The following CRTAC1 variants were observed in gnomAD, a reference collection of about 807,000 sequenced individuals.
CRTAC1 encodes acidic secreted protein in cartilage.
A neutral mutation model predicts 67.8 loss-of-function variants in CRTAC1; 37 were observed. The ratio of observed to expected loss-of-function variants is 0.55; its 90% CI spans 0.42 to 0.72. The LOEUF (loss-of-function observed/expected upper bound fraction) is 0.72. CRTAC1 is among the 30% of genes least tolerant of loss of function. The pLI is 0.00. For missense variants in CRTAC1, 780 were observed against 931.6 expected (o/e 0.84, Z 2.12); for synonymous variants, 348 against 371.0 (o/e 0.94, Z 0.71).
At chr10:98,017,393 A>G (rs1843021011) in intron 1 of CRTAC1, among the ~76,000 whole-genome samples, 1 of 152,200 alleles carries the variant, frequency 6.6e-6, no homozygotes, top group Non-Finnish European at 1.5e-5. Flanking sequence ...GCACAGGGCC[A>G]GAGCGCAGGG....
At chr10:97,984,901 C>G (rs895749325) in intron 2 of CRTAC1, among the ~76,000 whole-genome samples, 1 of 152,224 alleles carries the variant, frequency 6.6e-6, no homozygotes, top group Non-Finnish European at 1.5e-5. Flanking sequence ...GGAGCCAGAA[C>G]CTTCTGACAG....
At chr10:97,965,625 T>A (rs2136646849) in intron 2 of CRTAC1, among the ~76,000 whole-genome samples, 1 of 152,278 alleles carries the variant, frequency 6.6e-6, no homozygotes, top group South Asian at 2.1e-4. Context: ...TTTTTTTTTT[T>A]AAACTGGATA....
At chr10:97,897,741 T>C (rs1359843654) in intron 8 of CRTAC1, among the ~76,000 whole-genome samples, 1 of 152,252 alleles carries the variant, frequency 6.6e-6, no homozygotes, top group Non-Finnish European at 1.5e-5. Context: ...ACTCAGCTGA[T>C]GATGGCAGTG....
At chr10:97,909,254 C>T (rs2050656122) in intron 5 of CRTAC1, among the ~76,000 whole-genome samples, 1 of 152,112 alleles carries the variant, frequency 6.6e-6, no homozygotes, top group African/African-American at 2.4e-5. Flanking sequence ...CAGGCCCCAC[C>T]TCCAGCTCCC....
At chr10:97,999,785 C>A (rs1842652740) in intron 2 of CRTAC1, among the ~76,000 whole-genome samples, 1 of 152,200 alleles carries the variant, frequency 6.6e-6, no homozygotes, top group Non-Finnish European at 1.5e-5. Context: ...CTCTCTGAGG[C>A]CCATAAAAGC....
chr10:97,979,337 G>A (rs1227116888), intron 2 of CRTAC1, among the ~76,000 whole-genome samples: 1 of 152,152 alleles, frequency 6.6e-6, no homozygotes, highest in African/African-American at 2.4e-5. Context: ...CAAACCCTCT[G>A]TGTGATTCCG....
In CRTAC1 at chr10:98,029,927, C is replaced by A. The variant is rs368179216; in HGVS notation, c.24+522G>T. 2.6e-5 allele frequency among the ~76,000 whole-genome samples: 4 copies of A among 152,084 alleles called. No homozygotes were observed. The highest frequency in any genetic ancestry group is 9.7e-5 in the African/African-American group (4 of 41,428). The stretch of plus-strand genomic sequence containing the variant: ...GCTCCCGGAGCTCTCTGCCACCCAG[C>A]GCTGTGCCCGGGAACTCGGCTTCCC... On this transcript the variant is annotated intron_variant, in intron 1 of 14. Transcript: ENST00000370597. This position sits in a 1 kb window ranked among gnomAD's most constrained non-coding sequence, Gnocchi z 4.7.
In CRTAC1 at chr10:98,030,383, G is replaced by C. The variant is rs886536157; in HGVS notation, c.24+66C>G. 1.2e-5 allele frequency: 12 copies of C among 1,033,706 alleles called. No homozygotes were observed. The highest frequency in any genetic ancestry group is 1.5e-5 in the Non-Finnish European group (12 of 792,798). 64.0% of individuals were successfully genotyped at this position (1,033,706 alleles called of 1,614,324 possible). A position where few individuals can be genotyped will look rare whatever the true frequency, so the allele number is the denominator to read the frequency against. On this transcript the variant is annotated intron_variant, in intron 1 of 14. Coordinates refer to ENST00000370597, the MANE Select transcript of CRTAC1 (RefSeq NM_018058.7). This position sits in a 1 kb window ranked among gnomAD's most constrained non-coding sequence, Gnocchi z 4.2. Reference sequence around the variant, plus strand: ...CCGCCACCCTTGCGGGCGGATCCGGGGGGGCGCGCAGAGCTGGAGAAACTT... The same window carrying C: ...CCGCCACCCTTGCGGGCGGATCCGGCGGGGCGCGCAGAGCTGGAGAAACTT...
intron 2 of CRTAC1, among the ~76,000 whole-genome samples, chr10:97,964,185 G>A (rs893989205): frequency 7.2e-5 from 11 of 152,290 alleles, no homozygotes; most frequent in East Asian, 1.9e-4. Flanking sequence ...AGTGCATTAC[G>A]CTGGGTGGCT....
chr10:98,012,119 A>G (rs1842921710), intron 1 of CRTAC1, among the ~76,000 whole-genome samples: 1 of 152,226 alleles, frequency 6.6e-6, no homozygotes, highest in Admixed American at 6.5e-5. Context: ...CGGATAGCAC[A>G]TCATTCACTT....
At chr10:98,027,180 A>AG (rs986982763) in intron 1 of CRTAC1, among the ~76,000 whole-genome samples, 7 of 151,608 alleles carry the variant, frequency 4.6e-5, no homozygotes, top group Non-Finnish European at 8.8e-5. Context: ...AAAAAAAAAA[A>AG]GAGAACAAAG....
chr10:98,025,515 C>A (rs1244089057), intron 1 of CRTAC1, among the ~76,000 whole-genome samples: 2 of 152,214 alleles, frequency 1.3e-5, no homozygotes, highest in African/African-American at 4.8e-5. Context: ...CCCTTTCACA[C>A]CTTTCTGCAC....
At chr10:97,944,001 T>C (rs534674) in intron 2 of CRTAC1, among the ~76,000 whole-genome samples, 151,445 of 152,354 alleles carry the variant, frequency 0.99, 75,284 homozygotes, top group East Asian at 1. Context: ...AATTTGGGCT[T>C]AGTACTTGGG....
At chr10:97,925,285 G>A (rs1425707963) in intron 3 of CRTAC1, among the ~76,000 whole-genome samples, 1 of 152,096 alleles carries the variant, frequency 6.6e-6, no homozygotes, top group South Asian at 2.1e-4. Context: ...AAAGAAAAGG[G>A]TATGAGTATG....
At chr10:98,018,906 C>A (rs998716498) in intron 1 of CRTAC1, among the ~76,000 whole-genome samples, 6 of 152,208 alleles carry the variant, frequency 3.9e-5, no homozygotes, top group African/African-American at 1.4e-4. Flanking sequence ...GAAGAGCTAA[C>A]AGGAGCTGCC....
intron 2 of CRTAC1, among the ~76,000 whole-genome samples, chr10:97,954,022 G>A (rs1243497989): frequency 2.0e-5 from 3 of 152,140 alleles, no homozygotes; most frequent in Non-Finnish European, 2.9e-5. Flanking sequence ...GGTGGCTGTC[G>A]AGACGTCTCT....
At chr10:97,951,618 C>G (rs778401505) in intron 2 of CRTAC1, among the ~76,000 whole-genome samples, 7 of 152,176 alleles carry the variant, frequency 4.6e-5, no homozygotes, top group Non-Finnish European at 8.8e-5. Flanking sequence ...GCATTTATTT[C>G]TTTGAAGTGC....
rs10683960 is a variant in CRTAC1, at chr10:98,005,100, A to ATTTTTT, written c.224+6032_224+6037dup. Among the ~76,000 whole-genome samples the ATTTTTT allele has an allele frequency of 5.5e-4, 27 of 48,884 alleles. 2 individuals are homozygous for ATTTTTT. Among genetic ancestry groups the ATTTTTT allele is most frequent in the African/African-American group, 1.5e-3 (13 of 8,688 alleles). The allele number at this position is 48,884 out of a possible 152,430, so 32.1% of individuals were successfully genotyped here. On this transcript the variant is annotated intron_variant, in intron 2 of 14. Transcript: ENST00000370597. Reference sequence around the variant, plus strand: ...GTAATACATATATATATATATATATATTTTTTTTTTTTTTTTTTTTTGAGA... The same window carrying ATTTTTT: ...GTAATACATATATATATATATATATATTTTTTTTTTTTTTTTTTTTTTTTTTTGAGA...
chr10:98,006,115 A>G (rs1412282964), intron 2 of CRTAC1, among the ~76,000 whole-genome samples: 2 of 152,246 alleles, frequency 1.3e-5, no homozygotes, highest in African/African-American at 4.8e-5. Context: ...GTGTTACCTC[A>G]GACCTCTGGG....
Sources: allele counts gnomAD v4.1 joint callset (sites outside exome capture counted in the v4.1 genomes callset), GRCh38; gene constraint gnomAD v4.1.1; non-coding constraint Gnocchi (gnomAD v3.1); transcripts MANE v1.5; gene names NCBI Gene and HGNC (gene_info 2026-07-23, HGNC 2026-07-21).